Variants in PRRG1 observed in about 807,000 individuals in gnomAD.
The protein encoded by PRRG1 is transmembrane gamma-carboxyglutamic acid protein 1.
PRRG1 carries 5 observed loss-of-function variants against 11.8 expected under a neutral mutation model. The observed-to-expected ratio is 0.42, with a 90% CI of 0.22 to 0.89. The LOEUF is 0.89. Among genes scored for constraint, PRRG1 ranks in the 40% least tolerant of loss-of-function variants. PRRG1 has a pLI of 0.28. For missense variants in PRRG1, 155 were observed against 166.1 expected (o/e 0.93, Z 0.37); for synonymous variants, 66 against 60.4 (o/e 1.09, Z -0.43).
At position 37,362,764 on chromosome X, in the gene PRRG1, G is replaced by T. The variant is rs1296271671; in HGVS notation, c.-42+13369G>T. ...GCTGAATATCCCTAGAATCCTTACC[G>T]TTGGAGTGGGTGGACTCTAGTCTAC... On this transcript the variant is annotated intron_variant, in intron 1 of 3. Coordinates refer to ENST00000378628, the MANE Select transcript of PRRG1 (RefSeq NM_001142395.2). 3.6e-5 allele frequency among the ~76,000 whole-genome samples: 4 copies of T among 111,037 alleles called. No individual in the cohort carries two copies. In the South Asian group the frequency reaches 1.5e-3, roughly 43 times the overall value.
chrX:37,362,081 T>C lies in PRRG1; in HGVS notation c.-42+12686T>C, dbSNP rs188205649. 6.0e-3 allele frequency among the ~76,000 whole-genome samples: 677 copies of C among 111,990 alleles called. 2 individuals are homozygous for C. The highest frequency in any genetic ancestry group is 0.021 in the African/African-American group (638 of 30,879). On this transcript the variant is annotated intron_variant, in intron 1 of 3. Coordinates refer to ENST00000378628, the MANE Select transcript of PRRG1 (RefSeq NM_001142395.2). The stretch of plus-strand genomic sequence containing the variant: ...TATCTTAGTCATTTTTCCTTTGATT[T>C]CTCAAAAAAATTATAGAAGTAAAAA...
At chrX:37,361,868 G>C (rs1474995431) in intron 1 of PRRG1, among the ~76,000 whole-genome samples, 1 of 112,142 alleles carries the variant, frequency 8.9e-6, no homozygotes. Context: ...TCTCTGACAT[G>C]TTTGCTTCAG....
chrX:37,379,386 C>T lies in PRRG1; in HGVS notation c.-41-26823C>T, dbSNP rs1000641087. Among the ~76,000 whole-genome samples, 13 of 109,969 alleles carry T rather than the reference C, an allele frequency of 1.2e-4. No homozygotes were observed. In the South Asian group the frequency reaches 3.1e-3, roughly 26 times the overall value. On this transcript the variant is annotated intron_variant, in intron 1 of 3. Coordinates refer to ENST00000378628, the MANE Select transcript of PRRG1 (RefSeq NM_001142395.2). The stretch of plus-strand genomic sequence containing the variant: ...GCAAGTAACAGTTAGCAATAATTAT[C>T]GGCCAAGGAAGTTAATCTCAGAAAA...
chrX:37,394,009 A>T (rs1931632409), intron 1 of PRRG1, among the ~76,000 whole-genome samples: 1 of 112,035 alleles, frequency 8.9e-6, no homozygotes, highest in Admixed American at 9.5e-5. Context: ...GATAAGTTTT[A>T]AAAAACCCAG....
At chrX:37,356,362 T>G (rs1262405331) in intron 1 of PRRG1, among the ~76,000 whole-genome samples, 1 of 110,883 alleles carries the variant, frequency 9.0e-6, no homozygotes, top group Non-Finnish European at 1.9e-5. Flanking sequence ...AGAAAACCAT[T>G]TATTTGGAGG....
At chrX:37,407,467 G>A (rs782704655) in intron 2 of PRRG1, among the ~76,000 whole-genome samples, 1 of 111,651 alleles carries the variant, frequency 9.0e-6, no homozygotes, top group South Asian at 3.8e-4. Flanking sequence ...AAGATTTGGT[G>A]TGTGGTGTGG....
chrX:37,358,161 A>G (rs1930301558), intron 1 of PRRG1, among the ~76,000 whole-genome samples: 2 of 110,440 alleles, frequency 1.8e-5, no homozygotes, highest in African/African-American at 6.6e-5. Flanking sequence ...AGTACTTTAT[A>G]TGTTATGTCT....
intron 2 of PRRG1, among the ~76,000 whole-genome samples, chrX:37,408,513 C>T (rs1488007012): frequency 9.0e-6 from 1 of 111,402 alleles, no homozygotes; most frequent in Non-Finnish European, 1.9e-5. Context: ...GGCCATGTTG[C>T]CAGGAACATG....
At chrX:37,403,350 A>G (rs1387241143) in intron 1 of PRRG1, among the ~76,000 whole-genome samples, 1 of 108,123 alleles carries the variant, frequency 9.2e-6, no homozygotes, top group Non-Finnish European at 1.9e-5. Flanking sequence ...GAAATTGGAA[A>G]TCATCATTCT....
At chrX:37,406,359 A>T (rs781846688) in intron 2 of PRRG1, 100 bp downstream of exon 2, 2 of 865,220 alleles carry the variant, frequency 2.3e-6, no homozygotes, top group East Asian at 6.5e-5. Flanking sequence ...GGACACCTAA[A>T]TTGTATTTCT....
chrX:37,399,355 C>A (rs1440033865), intron 1 of PRRG1, among the ~76,000 whole-genome samples: 4 of 108,451 alleles, frequency 3.7e-5, no homozygotes, highest in African/African-American at 1.4e-4. Context: ...GAATTTTCAA[C>A]CCAGAATTTC....
intron 1 of PRRG1, among the ~76,000 whole-genome samples, chrX:37,399,888 C>G (rs1404085421): frequency 1.8e-5 from 2 of 109,725 alleles, no homozygotes; most frequent in Non-Finnish European, 3.8e-5. Context: ...ACAAAGAAGG[C>G]CATTACATAA....
intron 1 of PRRG1, among the ~76,000 whole-genome samples, chrX:37,384,597 G>A (rs1277141454): frequency 8.9e-6 from 1 of 111,818 alleles, no homozygotes; most frequent in African/African-American, 3.2e-5. Context: ...GAACTCATAA[G>A]TTTAGGAAAT....
At chrX:37,387,426 G>A (rs1295192687) in intron 1 of PRRG1, among the ~76,000 whole-genome samples, 3 of 111,678 alleles carry the variant, frequency 2.7e-5, no homozygotes, top group Non-Finnish European at 5.6e-5. Context: ...CGTTTCTACA[G>A]GCTGTACAGG....
At chrX:37,416,860 G>A (rs1932513267) in intron 2 of PRRG1, among the ~76,000 whole-genome samples, 1 of 111,595 alleles carries the variant, frequency 9.0e-6, no homozygotes, top group Non-Finnish European at 1.9e-5. Context: ...TTTGCCTTTT[G>A]CCTTCCTCTG....
intron 1 of PRRG1, among the ~76,000 whole-genome samples, chrX:37,373,944 A>C (rs1556371461): frequency 9.0e-6 from 1 of 111,465 alleles, no homozygotes; most frequent in African/African-American, 3.3e-5. Flanking sequence ...GTTAAGATAC[A>C]TTCTTCTGTA....
intron 1 of PRRG1, among the ~76,000 whole-genome samples, chrX:37,367,126 T>C (rs970324787): frequency 2.7e-5 from 3 of 111,976 alleles, no homozygotes; most frequent in Non-Finnish European, 5.6e-5. Context: ...GTAAAACATT[T>C]CTAGTTTGGC....
chrX:37,437,691 A>T (rs2146622641), intron 3 of PRRG1, among the ~76,000 whole-genome samples: 1 of 112,073 alleles, frequency 8.9e-6, no homozygotes, highest in Non-Finnish European at 1.9e-5. Flanking sequence ...TTTGCTTGGT[A>T]AATGTCTAAG....
intron 2 of PRRG1, among the ~76,000 whole-genome samples, chrX:37,422,103 A>G (rs1200475369): frequency 8.9e-6 from 1 of 111,998 alleles, no homozygotes; most frequent in East Asian, 2.8e-4. Context: ...TTATTCTTCT[A>G]AATTAGACTG....
Sources: allele counts gnomAD v4.1 joint callset (sites outside exome capture counted in the v4.1 genomes callset), GRCh38; gene constraint gnomAD v4.1.1; transcripts MANE v1.5; gene names NCBI Gene and HGNC (gene_info 2026-07-23, HGNC 2026-07-21).